The following AGBL4 variants were observed in gnomAD, a reference collection of about 807,000 sequenced individuals.
AGBL4 encodes cytosolic carboxypeptidase 6.
In AGBL4, 58 loss-of-function variants were observed where a neutral mutation model predicts 66.4. That is an observed-to-expected ratio of 0.87 (90% CI 0.71 to 1.09). AGBL4 has a LOEUF of 1.09. AGBL4 is among the 50% of genes least tolerant of loss of function. The pLI is 0.00. For synonymous variants in AGBL4, 234 were observed against 222.9 expected (o/e 1.05, Z -0.44); for missense variants, 579 against 631.0 (o/e 0.92, Z 0.88).
At chr1:49,049,067 T>G (rs1339380906) in intron 4 of AGBL4, among the ~76,000 whole-genome samples, 1 of 152,156 alleles carries the variant, frequency 6.6e-6, no homozygotes, top group Non-Finnish European at 1.5e-5. Flanking sequence ...TGTGATGGCC[T>G]TGTGATTCCA....
At chr1:48,750,221 C>T (rs758407413) in intron 6 of AGBL4, among the ~76,000 whole-genome samples, 5 of 152,180 alleles carry the variant, frequency 3.3e-5, no homozygotes, top group Non-Finnish European at 7.3e-5. Context: ...GACTGCACCC[C>T]AGCCCACTCC....
At chr1:49,730,026 A>C (rs1280718013) in intron 2 of AGBL4, among the ~76,000 whole-genome samples, 1 of 152,128 alleles carries the variant, frequency 6.6e-6, no homozygotes, top group African/African-American at 2.4e-5. Context: ...GTTTTTAACC[A>C]ATCAAACGCT....
At chr1:49,838,142 C>T (rs539844217) in intron 2 of AGBL4, among the ~76,000 whole-genome samples, 1 of 152,308 alleles carries the variant, frequency 6.6e-6, no homozygotes, top group African/African-American at 2.4e-5. Context: ...GAAAAAATAA[C>T]ACAGAGATTA....
chr1:48,916,862 T>C (rs183355593), intron 5 of AGBL4, among the ~76,000 whole-genome samples: 34 of 151,862 alleles, frequency 2.2e-4, no homozygotes, highest in African/African-American at 7.5e-4. Context: ...TCTAAGGAAA[T>C]AATCAGAGAT....
At chr1:49,808,149 GGAAA>G (rs1184241585) in intron 2 of AGBL4, among the ~76,000 whole-genome samples, 1 of 152,150 alleles carries the variant, frequency 6.6e-6, no homozygotes, top group Non-Finnish European at 1.5e-5. Context: ...AGTAAAAGAT[GGAAA>G]GAAACAGTAA....
intron 3 of AGBL4, among the ~76,000 whole-genome samples, chr1:49,569,083 A>G (rs1157198686): frequency 2.0e-5 from 3 of 152,234 alleles, no homozygotes; most frequent in Non-Finnish European, 4.4e-5. Context: ...TTGCAACAAC[A>G]TGAATGGAAC....
intron 3 of AGBL4, among the ~76,000 whole-genome samples, chr1:49,306,237 C>T (rs1644847208): frequency 1.3e-5 from 2 of 152,072 alleles, no homozygotes; most frequent in South Asian, 4.1e-4. Context: ...CCTGTTGTTT[C>T]CAAGATATAT....
At chr1:49,658,860 G>T (rs911589795) in intron 3 of AGBL4, among the ~76,000 whole-genome samples, 3 of 151,878 alleles carry the variant, frequency 2.0e-5, no homozygotes, top group Admixed American at 6.6e-5. Context: ...GCCTGTTGTG[G>T]GGTGGGGGAA....
intron 4 of AGBL4, among the ~76,000 whole-genome samples, chr1:49,136,066 G>A (rs1646004476): frequency 6.6e-6 from 1 of 151,938 alleles, no homozygotes; most frequent in African/African-American, 2.4e-5. Flanking sequence ...TGAAAAATAT[G>A]GCATCCAAAA....
intron 6 of AGBL4, among the ~76,000 whole-genome samples, chr1:48,773,946 G>A (rs1644956487): frequency 6.6e-6 from 1 of 152,228 alleles, no homozygotes; most frequent in Non-Finnish European, 1.5e-5. Context: ...TTGATAAGTA[G>A]TGGTATAAAC....
chr1:48,535,364 C>A (rs1041316062), intron 12 of AGBL4, among the ~76,000 whole-genome samples: 2 of 152,112 alleles, frequency 1.3e-5, no homozygotes, highest in Admixed American at 6.6e-5. Flanking sequence ...CATCCCCAGG[C>A]CTTTGTAGCA....
At chr1:49,110,261 C>A (rs1645379733) in intron 4 of AGBL4, among the ~76,000 whole-genome samples, 1 of 152,170 alleles carries the variant, frequency 6.6e-6, no homozygotes, top group Non-Finnish European at 1.5e-5. Flanking sequence ...ATGAATTCTT[C>A]CACCTACCTT....
intron 6 of AGBL4, among the ~76,000 whole-genome samples, chr1:48,706,672 C>T (rs924306875): frequency 6.6e-6 from 1 of 152,020 alleles, no homozygotes; most frequent in Non-Finnish European, 1.5e-5. Context: ...AGTTAGAAAA[C>T]AGAAAAATAG....
chr1:49,645,669 C>A, intron 3 of AGBL4, among the ~76,000 whole-genome samples: 1 of 146,720 alleles, frequency 6.8e-6, no homozygotes. Context: ...ATGGTCTTAC[C>A]AAAAGATTCT....
At chr1:49,464,897 C>G (rs924969535) in intron 3 of AGBL4, among the ~76,000 whole-genome samples, 1 of 151,582 alleles carries the variant, frequency 6.6e-6, no homozygotes, top group Non-Finnish European at 1.5e-5. Flanking sequence ...ACACCCCCAC[C>G]CAACAACTAC....
chr1:48,954,200 C>G (rs1657239662), intron 5 of AGBL4, among the ~76,000 whole-genome samples: 1 of 152,202 alleles, frequency 6.6e-6, no homozygotes, highest in African/African-American at 2.4e-5. Flanking sequence ...TCCCGGAAGA[C>G]TTGAAAACCG....
Position 49,674,571 on chromosome 1 carries a change from T to TACACACACACAC in AGBL4, c.282+22730_282+22741dup, listed in dbSNP as rs139707283. On this transcript the variant is annotated intron_variant, in intron 3 of 13. Coordinates refer to ENST00000371839, the MANE Select transcript of AGBL4 (RefSeq NM_032785.4). The stretch of plus-strand genomic sequence containing the variant: ...TAAAAGAATATATATAAGAATAAAA[T>TACACACACACAC]ACACACACACACACACACACACACA... 1.9e-3 allele frequency among the ~76,000 whole-genome samples: 269 copies of TACACACACACAC among 143,782 alleles called. 4 individuals are homozygous for TACACACACACAC. The highest frequency in any genetic ancestry group is 6.5e-3 in the African/African-American group (258 of 39,688). The allele number at this position is 143,782 out of a possible 152,430, so 94.3% of individuals were successfully genotyped here.
chr1:49,566,235 A>G (rs1445006662), intron 3 of AGBL4, among the ~76,000 whole-genome samples: 2 of 151,900 alleles, frequency 1.3e-5, no homozygotes, highest in African/African-American at 2.4e-5. Context: ...CTTCTTTGCC[A>G]TTGGTTCGAA....
chr1:49,569,202 G>C (rs1644277387), intron 3 of AGBL4, among the ~76,000 whole-genome samples: 1 of 152,168 alleles, frequency 6.6e-6, no homozygotes, highest in Non-Finnish European at 1.5e-5. Flanking sequence ...TGGAGATAGA[G>C]AGTAGGATGG....
Sources: gnomAD v4.1 joint callset for allele counts (sites outside exome capture counted in the v4.1 genomes callset) on GRCh38, gnomAD v4.1.1 for gene constraint, MANE v1.5 for transcripts, NCBI Gene and HGNC (gene_info 2026-07-23, HGNC 2026-07-21) for gene names.